The following ABCA10 variants were observed in gnomAD, a reference collection of about 807,000 sequenced individuals.
ABCA10 encodes ATP binding cassette subfamily A member 10, also known as ATP-binding cassette sub-family A member 10.
ABCA10 carries 169 observed loss-of-function variants against 187.5 expected under a neutral mutation model. That is an observed-to-expected ratio of 0.90 (90% CI 0.80 to 1.02). The LOEUF is 1.02. ABCA10 is among the 50% of genes least tolerant of loss of function. ABCA10 has a pLI of 0.00. For missense variants in ABCA10, 1,727 were observed against 1,812.4 expected, an observed-to-expected ratio of 0.95 and a Z score of 0.86; for synonymous variants, 574 against 601.8, an observed-to-expected ratio of 0.95 and a Z score of 0.68.
intron 1 of ABCA10, among the ~76,000 whole-genome samples, chr17:69,239,582 G>T (rs1057218690): frequency 6.6e-6 from 1 of 152,158 alleles, no homozygotes; most frequent in African/African-American, 2.4e-5. Flanking sequence ...ATTTGGTCAA[G>T]TCTCTCAGTG....
rs934111305 is a variant in ABCA10 at position 69,152,346 on chromosome 17, C to G, written c.4256+16G>C. 17 of 1,608,664 alleles carry G rather than the reference C, an allele frequency of 1.1e-5. No homozygotes were observed. The highest frequency in any genetic ancestry group is 1.4e-5 in the Non-Finnish European group (17 of 1,178,156). ...AAGAACATGCTAGTCCCATGCTGGT[C>G]AGGACAGGCACCCACCTTAGCGTTC... is the stretch of plus-strand genomic sequence containing the variant. On this transcript the variant is annotated intron_variant, in intron 35 of 38. Coordinates refer to ENST00000690296, the MANE Select transcript of ABCA10 (RefSeq NM_001377321.1).
rs373456469 is a variant in ABCA10 at position 69,164,038 on chromosome 17, T to C, written c.3363+36A>G. On this transcript the variant is annotated intron_variant, in intron 27 of 38. Coordinates refer to ENST00000690296, the MANE Select transcript of ABCA10 (RefSeq NM_001377321.1). ...AGATTTCACGGGGCTATGAATCTTA[T>C]GCAATATATATATTTAGGTAGAAAA... 5 of 1,471,236 alleles carry C rather than the reference T, an allele frequency of 3.4e-6. No individual in the cohort carries two copies. The African/African-American group carries it at 7.4e-5, about 22-fold the overall frequency. 91.1% of individuals were successfully genotyped at this position (1,471,236 alleles called of 1,614,324 possible). A position where few individuals can be genotyped will look rare whatever the true frequency, so the allele number is the denominator to read the frequency against.
At position 69,177,955 on chromosome 17, in the gene ABCA10, CAAAAA is replaced by C. The variant is rs11320201; in HGVS notation, c.2770-2447_2770-2443del. ...TGGGTGACAGAATGAGACTCCATTT[CAAAAA>C]AAAAAAAAAAAAAATATATATATAT... On this transcript the variant is annotated intron_variant, in intron 22 of 38. Transcript: ENST00000690296. Among the ~76,000 whole-genome samples, 209 of 64,852 alleles carry C rather than the reference CAAAAA, an allele frequency of 3.2e-3. 5 individuals carry two copies. Among genetic ancestry groups the C allele is most frequent in the Middle Eastern group, 0.01 (1 of 96 alleles). The allele number at this position is 64,852 out of a possible 152,430, so 42.5% of individuals were successfully genotyped here.
chr17:69,217,310 G>C (rs914476944), intron 6 of ABCA10, among the ~76,000 whole-genome samples: 14 of 151,918 alleles, frequency 9.2e-5, no homozygotes, highest in African/African-American at 3.1e-4. Context: ...ATTGAATGTC[G>C]GAGTAGCCAA....
intron 1 of ABCA10, chr17:69,234,527 T>A (rs1252156952): frequency 2.0e-5 from 3 of 152,096 alleles, no homozygotes; most frequent in African/African-American, 4.8e-5. Context: ...GCCACTAGGG[T>A]GCTAGTCTGC....
At chr17:69,148,966 T>A in intron 38 of ABCA10, 41 bp from the exon 39 acceptor site, 1 of 1,612,752 alleles carries the variant, frequency 6.2e-7, no homozygotes, top group Non-Finnish European at 8.5e-7. Context: ...AATGTCAGGG[T>A]GTGTCTGAAA....
Position 69,215,892 on chromosome 17 carries a change from A to G in ABCA10, c.781T>C (p.Tyr261His), listed in dbSNP as rs761270643. The change falls in exon 8 of 39, where the codon TAT becomes CAT. Residue 261 changes from tyrosine to histidine, a missense_variant. Coordinates refer to ENST00000690296, the MANE Select transcript of ABCA10 (RefSeq NM_001377321.1). ...CCCAAAGATAAAGGAAGTTGTCTAT[A>G]TAACACAGTGAATCCCAGACATCCC... is the stretch of plus-strand genomic sequence containing the variant. Reference protein sequence around the residue: ...FWGCLGFTVLYRQLPLSLGWV... With the variant: ...FWGCLGFTVLHRQLPLSLGWV... The G allele has an allele frequency of 5.0e-6, 8 of 1,613,790 alleles. No individual in the cohort carries two copies. Among genetic ancestry groups the G allele is most frequent in the East Asian group, 4.5e-5 (2 of 44,870 alleles).
intron 1 of ABCA10, among the ~76,000 whole-genome samples, chr17:69,243,976 C>T (rs1377251206): frequency 6.6e-6 from 1 of 152,074 alleles, no homozygotes; most frequent in East Asian, 1.9e-4. Context: ...ATTTAATTTG[C>T]AAGAGTTGTT....
chr17:69,192,417 A>C, intron 16 of ABCA10, 146 bp downstream of exon 16: 1 of 618,320 alleles, frequency 1.6e-6, no homozygotes, highest in Non-Finnish European at 2.7e-6. Context: ...AGGAAATGTT[A>C]ATGAGGAAGA....
At position 69,185,562 on chromosome 17, in the gene ABCA10, C is replaced by G. The variant is rs1336471015; in HGVS notation, c.2412G>C (p.Trp804Cys). The change falls in exon 20 of 39, where the codon TGG (tryptophan) becomes TGC (cysteine). Residue 804 changes from tryptophan (W) to cysteine (C), a missense_variant. Trp to Cys is a radical substitution (Grantham distance 215, BLOSUM62 -2). Coordinates refer to ENST00000690296, the MANE Select transcript of ABCA10 (RefSeq NM_001377321.1). Reference protein sequence around the residue: ...MYKVTRETHCWEFSPSMYFLS... With the variant: ...MYKVTRETHCCEFSPSMYFLS... The stretch of plus-strand genomic sequence containing the variant: ...GGAAATACATACTGGGTGAAAACTC[C>G]CAACAATGAGTTTCACGAGTTACTT... The G allele has an allele frequency of 1.2e-6, 2 of 1,612,920 alleles. No homozygotes were observed. The highest frequency in any genetic ancestry group is 2.2e-5 in the South Asian group (2 of 90,982).
At position 69,227,292 on chromosome 17, in the gene ABCA10, GAAAAAAGAA is replaced by G. The variant is rs928970405; in HGVS notation, c.-312-16_-312-8del. 1 of 148,610 alleles carries G rather than the reference GAAAAAAGAA, an allele frequency of 6.7e-6. No homozygotes were observed. Among genetic ancestry groups the G allele is most frequent in the African/African-American group, 2.5e-5 (1 of 40,372 alleles). The allele number at this position is 148,610 out of a possible 1,614,324, so 9.2% of individuals were successfully genotyped here. The stretch of plus-strand genomic sequence containing the variant: ...AAATATTGCAGAGCAATAGCTAGGG[GAAAAAAGAA>G]AAAAAAAAAGTTCAGTTACAGAAAG... On this transcript the variant is annotated splice_region_variant and splice_polypyrimidine_tract_variant and intron_variant, in intron 1 of 38. Transcript: ENST00000690296.
intron 25 of ABCA10, among the ~76,000 whole-genome samples, chr17:69,166,874 G>A (rs748256074): frequency 9.9e-5 from 15 of 152,158 alleles, no homozygotes; most frequent in Admixed American, 6.5e-4. Flanking sequence ...ACACTGATTA[G>A]TAGAAAACAG....
Position 69,150,060 on chromosome 17 carries a change from A to G in ABCA10, c.4401T>C (p.Tyr1467=), listed in dbSNP as rs1172076210. The G allele has an allele frequency of 7.5e-6, 12 of 1,609,602 alleles. No individual in the cohort carries two copies. The Admixed American group carries it at 8.4e-5, about 11-fold the overall frequency. ...GTAACTTATACGCCATTAAAGAGGAATATCTGTCAGGAAGAAGAGTGAGAT... is the reference window on the plus strand; with the variant it reads ...GTAACTTATACGCCATTAAAGAGGAGTATCTGTCAGGAAGAAGAGTGAGAT... The part of the protein sequence containing the change: ...LFPQAAWQER[Y]SSLMAYKLPV... Residue 1467 remains tyrosine, a synonymous_variant, in exon 37 of 39, where the codon TAT becomes TAC. Transcript: ENST00000690296.
chr17:69,223,068 AG>A (rs2074763052), intron 3 of ABCA10, among the ~76,000 whole-genome samples: 1 of 134,440 alleles, frequency 7.4e-6, no homozygotes, highest in Non-Finnish European at 1.6e-5. Flanking sequence ...GAGAGGGGGT[AG>A]GGGAGGAGAG....
chr17:69,149,998 A>G lies in ABCA10; in HGVS notation c.4463T>C (p.Phe1488Ser), dbSNP rs760099810. 2.2e-5 allele frequency: 35 copies of G among 1,610,262 alleles called. No individual in the cohort carries two copies. In the Middle Eastern group the frequency reaches 6.6e-4, roughly 31 times the overall value. ...CCCAAACTTACTCGCCTCTAACTTG[A>G]AAAAGGCCCGAGATAGAGGGTGGAC... ...EDVHPLSRAF[F>S]KLEAMKQTFN... The change falls in exon 37 of 39, where the codon TTC becomes TCC. Residue 1488 changes from phenylalanine (F) to serine (S), a missense_variant. Phe to Ser is a radical substitution (Grantham distance 155). Coordinates refer to ENST00000690296, the MANE Select transcript of ABCA10 (RefSeq NM_001377321.1).
intron 30 of ABCA10, 94 bp from the exon 31 acceptor site, chr17:69,154,420 C>CTTTT (rs56142812): frequency 6.2e-5 from 29 of 464,298 alleles, no homozygotes; most frequent in African/African-American, 1.4e-4. Flanking sequence ...AACAAAATGA[C>CTTTT]TTTTTTTTTT....
intron 30 of ABCA10, among the ~76,000 whole-genome samples, chr17:69,154,735 T>C (rs1450029264): frequency 6.6e-6 from 1 of 152,208 alleles, no homozygotes; most frequent in East Asian, 1.9e-4. Context: ...ATAACATTTC[T>C]GAAACAAATG....
chr17:69,184,916 T>TACACACACACAC (rs142309537), intron 20 of ABCA10, among the ~76,000 whole-genome samples: 4 of 141,556 alleles, frequency 2.8e-5, no homozygotes. Context: ...ACTTTTTAAA[T>TACACACACACAC]ACACACACAC....
chr17:69,170,745 T>C (rs1568054559), intron 25 of ABCA10, among the ~76,000 whole-genome samples: 1 of 136,042 alleles, frequency 7.4e-6, no homozygotes, highest in Non-Finnish European at 1.5e-5. Flanking sequence ...ACACTGCTAG[T>C]TTCAAGGGAA....
Sources: allele counts gnomAD v4.1 joint callset (sites outside exome capture counted in the v4.1 genomes callset), GRCh38; gene constraint gnomAD v4.1.1; transcripts MANE v1.5; gene names NCBI Gene and HGNC (gene_info 2026-07-23, HGNC 2026-07-21).